The following RELN variants were observed in gnomAD, a reference collection of about 807,000 sequenced individuals.
RELN encodes reelin.
Under a neutral mutation model 427.6 loss-of-function variants are expected in RELN, and 108 were observed. The ratio of observed to expected loss-of-function variants is 0.25; its 90% CI spans 0.22 to 0.30. The LOEUF is 0.30. Among genes scored for constraint, RELN ranks in the 10% least tolerant of loss-of-function variants. The pLI is 1.00. For synonymous variants in RELN, 1,524 were observed against 1,513.4 expected (o/e 1.01, Z -0.16); for missense variants, 3,715 against 4,302.8 (o/e 0.86, Z 3.82).
intron 3 of RELN, among the ~76,000 whole-genome samples, chr7:103,814,770 A>G (rs889225976): frequency 2.7e-5 from 1 of 36,948 alleles, no homozygotes; most frequent in Non-Finnish European, 5.1e-5. Context: ...GCTCTGTGAC[A>G]GAGCTCACCC....
At chr7:103,649,757 G>T (rs998787666) in intron 16 of RELN, among the ~76,000 whole-genome samples, 2 of 151,624 alleles carry the variant, frequency 1.3e-5, no homozygotes, top group African/African-American at 4.8e-5. Context: ...GATTTAAAAA[G>T]ATATATATCT....
intron 51 of RELN, among the ~76,000 whole-genome samples, chr7:103,510,049 AAGT>A (rs1365958628): frequency 6.6e-6 from 1 of 152,212 alleles, no homozygotes; most frequent in African/African-American, 2.4e-5. Context: ...TGGGAGTGTA[AAGT>A]AGTGCAACCA....
Position 103,989,306 on chromosome 7 carries a change from C to T in RELN, c.51G>A (p.Leu17=). 6.2e-7 allele frequency: 1 copy of T among 1,611,580 alleles called. No individual in the cohort carries two copies. The highest frequency in any genetic ancestry group is 8.5e-7 in the Non-Finnish European group (1 of 1,179,104). Residue 17 remains leucine (L), a synonymous_variant, in exon 1 of 65, where the codon CTG becomes CTA. Coordinates refer to ENST00000428762, the MANE Select transcript of RELN (RefSeq NM_005045.4). This position sits in a 1 kb window ranked among gnomAD's most constrained non-coding sequence, Gnocchi z 4.9. ...CCGCGCGCGCCCTCAGCGTCGCCCC[C>T]AGCAACAGCGCTAGGAGGAAAGTCT... ...ARQTFLLALL[L]GATLRARAAA...
At chr7:103,645,962 AAATT>A (rs1423155692) in intron 16 of RELN, among the ~76,000 whole-genome samples, 22 of 151,966 alleles carry the variant, frequency 1.4e-4, no homozygotes, top group Admixed American at 4.6e-4. Context: ...ATAAAACTAG[AAATT>A]AATTCTAAGG....
At chr7:103,767,915 T>G (rs1791464630) in intron 4 of RELN, among the ~76,000 whole-genome samples, 2 of 152,164 alleles carry the variant, frequency 1.3e-5, no homozygotes, top group African/African-American at 4.8e-5. Context: ...TCCAGCTGTA[T>G]GCTCTTTCCC....
intron 60 of RELN, among the ~76,000 whole-genome samples, chr7:103,486,806 T>A (rs1586473614): frequency 1.3e-5 from 2 of 152,288 alleles, no homozygotes; most frequent in Admixed American, 6.5e-5. Context: ...ACACTGTTGG[T>A]GGGAGTGTAA....
intron 12 of RELN, among the ~76,000 whole-genome samples, chr7:103,659,110 C>T (rs1265934928): frequency 4.6e-5 from 7 of 151,862 alleles, no homozygotes; most frequent in Admixed American, 4.6e-4. Context: ...AATAGAATTT[C>T]TCCCTTCATA....
chr7:103,539,501 T>C, intron 44 of RELN, 174 bp from the exon 45 acceptor site: 1 of 651,434 alleles, frequency 1.5e-6, no homozygotes, highest in Non-Finnish European at 2.6e-6. Context: ...TTATGTCTGC[T>C]TGCCCATCTG....
intron 2 of RELN, among the ~76,000 whole-genome samples, chr7:103,910,655 A>T (rs1247587188): frequency 1.5e-5 from 2 of 137,650 alleles, no homozygotes; most frequent in African/African-American, 5.6e-5. Flanking sequence ...CAAAACAGAG[A>T]TATAGATCAA....
Position 103,561,709 on chromosome 7 carries a change from C to T in RELN, c.5352G>A (p.Val1784=). Residue 1784 remains valine (V), a splice_region_variant and synonymous_variant, in exon 36 of 65, where the codon GTG becomes GTA. Coordinates refer to ENST00000428762, the MANE Select transcript of RELN (RefSeq NM_005045.4). The part of the protein sequence containing the change: ...GRGICDAGRC[V]CDRGFGGPYC... The stretch of plus-strand genomic sequence containing the variant: ...AGGGTCCACCAAAGCCCCGGTCACA[C>T]CTAAGAAAGAGAGGGAGTGGAGAAA... 1 of 1,613,906 alleles carries T rather than the reference C, an allele frequency of 6.2e-7. No individual in the cohort carries two copies. The highest frequency in any genetic ancestry group is 8.5e-7 in the Non-Finnish European group (1 of 1,179,926).
intron 2 of RELN, among the ~76,000 whole-genome samples, chr7:103,879,801 T>G (rs1187559040): frequency 6.6e-6 from 1 of 152,188 alleles, no homozygotes; most frequent in Non-Finnish European, 1.5e-5. Context: ...TAGGACATAT[T>G]TTAATTTTTT....
chr7:103,575,395 C>T (rs555734165), intron 29 of RELN, among the ~76,000 whole-genome samples, 153 bp downstream of exon 29: 1 of 152,306 alleles, frequency 6.6e-6, no homozygotes, highest in Non-Finnish European at 1.5e-5. Context: ...AATATCCTAG[C>T]ACCTCATGTG....
At chr7:103,536,959 A>G (rs1364742446) in intron 45 of RELN, among the ~76,000 whole-genome samples, 10 of 152,200 alleles carry the variant, frequency 6.6e-5, no homozygotes, top group African/African-American at 2.4e-4. Context: ...TCACTAAAGG[A>G]TATCTTCACT....
intron 6 of RELN, among the ~76,000 whole-genome samples, chr7:103,746,065 A>T (rs1208243196): frequency 4.6e-5 from 7 of 152,142 alleles, no homozygotes; most frequent in African/African-American, 2.4e-5. Flanking sequence ...GTACCAAAAC[A>T]GAGATATAGA....
chr7:103,629,365 A>C (rs754883263), intron 20 of RELN, among the ~76,000 whole-genome samples: 1 of 152,226 alleles, frequency 6.6e-6, no homozygotes, highest in Non-Finnish European at 1.5e-5. Context: ...AGGCTATCCC[A>C]CAATTTTGAA....
chr7:103,653,978 G>C, intron 13 of RELN, 115 bp downstream of exon 13: 1 of 740,308 alleles, frequency 1.4e-6, no homozygotes, highest in Non-Finnish European at 2.5e-6. Flanking sequence ...GCGACCTCTG[G>C]CCTGTCAGAA....
intron 8 of RELN, among the ~76,000 whole-genome samples, chr7:103,717,724 T>A (rs1265166121): frequency 6.6e-6 from 1 of 152,036 alleles, no homozygotes; most frequent in African/African-American, 2.4e-5. Context: ...TCAGAAGAGG[T>A]GTTCACTATT....
intron 2 of RELN, among the ~76,000 whole-genome samples, chr7:103,909,700 TAA>T (rs1491238098): frequency 3.3e-4 from 19 of 57,426 alleles, no homozygotes; most frequent in South Asian, 6.4e-4. Flanking sequence ...TATATATATT[TAA>T]TATATATAAA....
chr7:103,523,366 A>G (rs182625195), intron 47 of RELN, 25 bp downstream of exon 47: 573 of 1,614,102 alleles, frequency 3.5e-4, no homozygotes, highest in Non-Finnish European at 4.6e-4. Context: ...AGCTTTCAAC[A>G]GAAGGAAGAA....
Sources: gnomAD v4.1 joint callset for allele counts (sites outside exome capture counted in the v4.1 genomes callset) on GRCh38, gnomAD v4.1.1 for gene constraint, Gnocchi (gnomAD v3.1) non-coding constraint, MANE v1.5 for transcripts, NCBI Gene and HGNC (gene_info 2026-07-23, HGNC 2026-07-21) for gene names.